WBP2NL: variants seen among roughly 807,000 people sequenced by gnomAD.
WBP2NL encodes WBP2 N-terminal like.
In WBP2NL, 27 loss-of-function variants were observed where a neutral mutation model predicts 23.3. The ratio of observed to expected loss-of-function variants is 1.16; its 90% CI spans 0.85 to 1.60. The LOEUF is 1.60. WBP2NL is among the 40% of genes most tolerant of loss of function. The pLI is 0.00. For missense variants in WBP2NL, 370 were observed against 389.5 expected (o/e 0.95, Z 0.42); for synonymous variants, 151 against 145.9 (o/e 1.03, Z -0.25).
intron 1 of WBP2NL, among the ~76,000 whole-genome samples, chr22:42,006,717 A>G (rs9611701): frequency 0.031 from 4,684 of 152,286 alleles, 134 homozygotes; most frequent in African/African-American, 0.075. Flanking sequence ...GTTGAGAAAT[A>G]AGGTTTATGT....
At chr22:42,020,839 T>C (rs1923826192) in intron 4 of WBP2NL, among the ~76,000 whole-genome samples, 1 of 132,458 alleles carries the variant, frequency 7.5e-6, no homozygotes, top group Non-Finnish European at 1.6e-5. Flanking sequence ...CAAATAATTT[T>C]TTTATCTCAT....
At chr22:42,001,954 C>G in intron 1 of WBP2NL, 2 of 1,376,682 alleles carry the variant, frequency 1.5e-6, no homozygotes, top group Non-Finnish European at 1.9e-6. Flanking sequence ...AAGGACACAG[C>G]AGCCTCTGTG....
intron 5 of WBP2NL, among the ~76,000 whole-genome samples, chr22:42,023,582 C>G (rs1454148951): frequency 6.6e-6 from 1 of 152,168 alleles, no homozygotes; most frequent in East Asian, 1.9e-4. Flanking sequence ...AGCTCCACCT[C>G]CCGGGTTCAC....
chr22:42,001,049 G>GA lies in WBP2NL; in HGVS notation c.62+2174dup, dbSNP rs1459881739. 7 of 779,744 alleles carry GA rather than the reference G, an allele frequency of 9.0e-6. No homozygotes were observed. In the East Asian group the frequency reaches 1.8e-4, roughly 20 times the overall value. The allele number at this position is 779,744 out of a possible 1,614,324, so 48.3% of individuals were successfully genotyped here. A position where few individuals can be genotyped will look rare whatever the true frequency, so the allele number is the denominator to read the frequency against. ...AATACAACATGCCTGTTCAAAGGGG[G>GA]AAAAATCTTAGGAAATAACTTACAT... On this transcript the variant is annotated intron_variant, in intron 1 of 5. Transcript: ENST00000328823.
intron 1 of WBP2NL, among the ~76,000 whole-genome samples, chr22:42,016,875 T>G (rs534143353): frequency 6.6e-6 from 1 of 152,266 alleles, no homozygotes; most frequent in African/African-American, 2.4e-5. Context: ...TTGAGAAATC[T>G]GAAGCTCACA....
At chr22:42,007,405 CA>C (rs895606777) in intron 1 of WBP2NL, among the ~76,000 whole-genome samples, 23 of 152,212 alleles carry the variant, frequency 1.5e-4, no homozygotes, top group African/African-American at 5.1e-4. Context: ...AATCATTGTT[CA>C]AAATATTAAA....
intron 1 of WBP2NL, among the ~76,000 whole-genome samples, chr22:42,013,075 A>T (rs1021168201): frequency 6.6e-6 from 1 of 151,826 alleles, no homozygotes; most frequent in Non-Finnish European, 1.5e-5. Context: ...CATGATTTCA[A>T]TAAGAAATCG....
At chr22:42,008,161 C>CCTTTG (rs1569446672) in intron 1 of WBP2NL, among the ~76,000 whole-genome samples, 6 of 137,160 alleles carry the variant, frequency 4.4e-5, no homozygotes, top group African/African-American at 1.6e-4. Flanking sequence ...CCTTTCCTTT[C>CCTTTG]CTTTCCTTTC....
chr22:42,009,141 A>G (rs893332216), intron 1 of WBP2NL, among the ~76,000 whole-genome samples: 29 of 152,126 alleles, frequency 1.9e-4, no homozygotes, highest in African/African-American at 7.0e-4. Flanking sequence ...GTCTTGAACT[A>G]CTGACCTCAG....
At chr22:42,001,644 A>G in intron 1 of WBP2NL, 1 of 1,169,526 alleles carries the variant, frequency 8.6e-7, no homozygotes, top group Admixed American at 1.7e-5. Flanking sequence ...TAGCGCCAAA[A>G]CTGGGATCTC....
chr22:42,055,624 A>G (rs1474374677), intron 8 of WBP2NL, among the ~76,000 whole-genome samples: 1 of 152,240 alleles, frequency 6.6e-6, no homozygotes, highest in Non-Finnish European at 1.5e-5. Context: ...TAATTGGTTT[A>G]TAATTAGTAT....
chr22:42,012,572 T>C (rs1037591580), intron 1 of WBP2NL, among the ~76,000 whole-genome samples: 4 of 152,218 alleles, frequency 2.6e-5, no homozygotes, highest in African/African-American at 4.8e-5. Context: ...TTATAAAATA[T>C]AGCGTTTCTT....
chr22:42,005,941 A>C (rs1446177298), intron 1 of WBP2NL, among the ~76,000 whole-genome samples: 1 of 152,246 alleles, frequency 6.6e-6, no homozygotes, highest in Non-Finnish European at 1.5e-5. Flanking sequence ...GGTCAAGAGC[A>C]AATGTCATGG....
At chr22:41,999,181 G>C (rs987234824) in intron 1 of WBP2NL, among the ~76,000 whole-genome samples, 7 of 152,234 alleles carry the variant, frequency 4.6e-5, no homozygotes, top group Admixed American at 1.3e-4. Flanking sequence ...GGTGCGAGAC[G>C]CGTGTGTCCT....
intron 1 of WBP2NL, among the ~76,000 whole-genome samples, chr22:42,017,309 T>A (rs1923396078): frequency 6.6e-6 from 1 of 152,160 alleles, no homozygotes; most frequent in Admixed American, 6.5e-5. Context: ...GAGATGGGGT[T>A]TCACCATGTT....
At chr22:42,038,013 AT>A (rs1925255070) in intron 8 of WBP2NL, among the ~76,000 whole-genome samples, 1 of 152,098 alleles carries the variant, frequency 6.6e-6, no homozygotes, top group Non-Finnish European at 1.5e-5. Flanking sequence ...TACTATGTTG[AT>A]TAACAGTGAT....
At chr22:42,049,976 CAAAAAA>C (rs34787117) in intron 8 of WBP2NL, among the ~76,000 whole-genome samples, 2 of 84,408 alleles carry the variant, frequency 2.4e-5, no homozygotes, top group African/African-American at 3.8e-5. Flanking sequence ...GACTCCGTCT[CAAAAAA>C]AAAAAAAAAA....
downstream of WBP2NL, chr22:42,030,830 T>TG (rs1924894786): frequency 6.6e-6 from 1 of 152,232 alleles, no homozygotes; most frequent in Admixed American, 6.5e-5. Context: ...GATGGTAAGT[T>TG]GAGAACAGGG....
At chr22:42,032,661 G>A (rs981849750), downstream of WBP2NL, 11 of 419,482 alleles carry the variant, frequency 2.6e-5, no homozygotes, top group Admixed American at 6.3e-5. Flanking sequence ...GAAGTGAAAC[G>A]TATGATATTC....
Sources: allele counts gnomAD v4.1 joint callset (sites outside exome capture counted in the v4.1 genomes callset), GRCh38; gene constraint gnomAD v4.1.1; transcripts MANE v1.5; gene names NCBI Gene and HGNC (gene_info 2026-07-23, HGNC 2026-07-21).